ANK2: variants seen among roughly 807,000 people sequenced by gnomAD.
ANK2 encodes the protein ankyrin 2.
In ANK2, 83 loss-of-function variants were observed where a neutral mutation model predicts 360.5. The observed-to-expected ratio is 0.23, with a 90% CI of 0.19 to 0.28. ANK2 has a LOEUF of 0.28. Ranked by LOEUF, ANK2 falls within the 10% of genes least tolerant of loss-of-function variation. The probability of loss-of-function intolerance (pLI) is 1.00; values close to 1 mark genes in which losing one functional copy is unlikely to be tolerated. For synonymous variants in ANK2, 1,740 were observed against 1,759.5 expected (o/e 0.99, Z 0.28); for missense variants, 4,201 against 4,795.7 (o/e 0.88, Z 3.66).
intron 1 of ANK2, among the ~76,000 whole-genome samples, chr4:112,888,249 T>C (rs116223920): frequency 0.011 from 1,699 of 152,216 alleles, 20 homozygotes; most frequent in African/African-American, 0.03. Context: ...ATATAGAAAG[T>C]GGAAATGGTT....
At chr4:112,996,822 G>A (rs1441031007) in intron 2 of ANK2, among the ~76,000 whole-genome samples, 1 of 151,926 alleles carries the variant, frequency 6.6e-6, no homozygotes, top group Non-Finnish European at 1.5e-5. Context: ...CAAATAATAG[G>A]TTTTATTCAT....
At chr4:113,249,899 C>G (rs2153602266) in intron 10 of ANK2, 37 bp downstream of exon 10, 1 of 1,544,896 alleles carries the variant, frequency 6.5e-7, no homozygotes, top group Non-Finnish European at 8.9e-7. Context: ...CCTAAGAAAT[C>G]TTTAAGTTAC....
chr4:113,270,357 G>A (rs1174487272), intron 14 of ANK2, among the ~76,000 whole-genome samples: 2 of 151,604 alleles, frequency 1.3e-5, no homozygotes, highest in Admixed American at 1.3e-4. Context: ...TTATCTTTTT[G>A]GATACCCTCT....
chr4:112,972,591 G>A (rs758563406), intron 2 of ANK2, among the ~76,000 whole-genome samples: 3 of 152,134 alleles, frequency 2.0e-5, no homozygotes, highest in East Asian at 1.9e-4. Context: ...AGGTGCCCAC[G>A]TACACGGGAC....
At chr4:112,877,810 A>G (rs2075560893) in intron 1 of ANK2, among the ~76,000 whole-genome samples, 1 of 152,118 alleles carries the variant, frequency 6.6e-6, no homozygotes, top group South Asian at 2.1e-4. Flanking sequence ...CTCCATCTTA[A>G]TGCTGGAGGT....
chr4:112,781,955 G>A, the ANK2 span, among the ~76,000 whole-genome samples: 220 of 150,090 alleles, frequency 1.5e-3, no homozygotes, highest in African/African-American at 5.3e-3. Context: ...TCTGCCTCCC[G>A]AGTAGCTGGG....
intron 1 of ANK2, among the ~76,000 whole-genome samples, chr4:113,112,574 T>G (rs1246582885): frequency 1.3e-5 from 2 of 151,820 alleles, no homozygotes; most frequent in Non-Finnish European, 2.9e-5. Flanking sequence ...TAAAGGGAGG[T>G]CTGTGGTGAC....
chr4:113,262,357 G>A (rs2053412217), intron 13 of ANK2, among the ~76,000 whole-genome samples: 1 of 152,102 alleles, frequency 6.6e-6, no homozygotes, highest in African/African-American at 2.4e-5. Flanking sequence ...CTCCCAAGTA[G>A]CTGGAACTAC....
intron 14 of ANK2, among the ~76,000 whole-genome samples, chr4:113,267,607 A>G (rs1563287966): frequency 6.6e-6 from 1 of 152,126 alleles, no homozygotes; most frequent in South Asian, 2.1e-4. Context: ...CCATTGGTCT[A>G]TATATCTGTT....
the ANK2 span, among the ~76,000 whole-genome samples, chr4:112,812,602 G>A: frequency 1.3e-5 from 2 of 152,190 alleles, no homozygotes; most frequent in Non-Finnish European, 2.9e-5. Context: ...CTTTTGAGGT[G>A]CTCAAATGAT....
intron 14 of ANK2, among the ~76,000 whole-genome samples, chr4:113,273,456 C>CA (rs1330656148): frequency 5.3e-5 from 8 of 152,082 alleles, no homozygotes; most frequent in Non-Finnish European, 7.4e-5. Flanking sequence ...TTATCTCTTC[C>CA]TATAGCTCCT....
intron 1 of ANK2, among the ~76,000 whole-genome samples, chr4:113,146,159 G>A (rs984456483): frequency 1.5e-4 from 23 of 152,122 alleles, no homozygotes; most frequent in Non-Finnish European, 2.5e-4. Context: ...CAAGTGGCAT[G>A]CTTTTGCTTC....
chr4:113,325,729 A>C (rs777789077), intron 26 of ANK2, among the ~76,000 whole-genome samples: 20 of 152,152 alleles, frequency 1.3e-4, no homozygotes, highest in Non-Finnish European at 1.8e-4. Flanking sequence ...TAAGATATTT[A>C]AAATATGTAA....
At chr4:112,871,891 T>TTA (rs1324813388) in intron 1 of ANK2, among the ~76,000 whole-genome samples, 1 of 152,228 alleles carries the variant, frequency 6.6e-6, no homozygotes, top group South Asian at 2.1e-4. Context: ...ATATGGCATA[T>TTA]TACATTAATT....
chr4:113,062,572 G>C (rs1367464010), intron 1 of ANK2, among the ~76,000 whole-genome samples: 1 of 152,006 alleles, frequency 6.6e-6, no homozygotes, highest in Non-Finnish European at 1.5e-5. Context: ...CATATTGTAG[G>C]TAGAGGTTAT....
chr4:112,943,266 T>C (rs2094351193), intron 2 of ANK2, among the ~76,000 whole-genome samples: 3 of 152,098 alleles, frequency 2.0e-5, no homozygotes, highest in African/African-American at 4.8e-5. Flanking sequence ...GAAAGGCAAG[T>C]GTATTCTCTG....
Position 113,367,835 on chromosome 4 carries a change from T to C in ANK2, c.11302T>C (p.Tyr3768His), listed in dbSNP as rs771710685. The change falls in exon 42 of 46, where the codon TAT (tyrosine) becomes CAT (histidine). Residue 3768 changes from tyrosine to histidine, a missense_variant. By Grantham distance (83) the Tyr-to-His change is moderately conservative (BLOSUM62 2). Around this residue, in one of 4 missense-constraint regions of ANK2, gnomAD observed 2,642 missense variants for 2,714.5 expected, o/e 0.97. Coordinates refer to ENST00000357077, the MANE Select transcript of ANK2 (RefSeq NM_001148.6). ...CCTGCCTGAAGAGTCATCTCTGGAA[T>C]ATCAGCAGGAATATTTGTGAGTTTC... ...QDLPEESSLE[Y>H]QQEYFVTTPG... 1.9e-6 allele frequency: 3 copies of C among 1,614,146 alleles called. No individual in the cohort carries two copies. Among genetic ancestry groups the C allele is most frequent in the Non-Finnish European group, 2.5e-6 (3 of 1,179,978 alleles).
intron 1 of ANK2, among the ~76,000 whole-genome samples, chr4:112,878,672 C>T (rs1476155467): frequency 2.0e-5 from 3 of 151,596 alleles, no homozygotes; most frequent in Non-Finnish European, 2.9e-5. Context: ...CTCGCTCTGT[C>T]GCCTAGGCTG....
chr4:112,806,512 A>G, the ANK2 span, among the ~76,000 whole-genome samples: 4 of 152,172 alleles, frequency 2.6e-5, no homozygotes, highest in South Asian at 2.1e-4. Flanking sequence ...TGTAATAAAC[A>G]TGGGAGTGCA....
Sources: allele counts gnomAD v4.1 joint callset (sites outside exome capture counted in the v4.1 genomes callset), GRCh38; gene constraint gnomAD v4.1.1; regional missense constraint gnomAD v4.1.1; transcripts MANE v1.5; gene names NCBI Gene and HGNC (gene_info 2026-07-23, HGNC 2026-07-21).